The following KIAA1217 variants were observed in gnomAD, a reference collection of about 807,000 sequenced individuals.
The protein encoded by KIAA1217 is sickle tail protein homolog.
A neutral mutation model predicts 163.9 loss-of-function variants in KIAA1217; 88 were observed. The observed-to-expected ratio is 0.54, with a 90% confidence interval of 0.45 to 0.64. KIAA1217 has a LOEUF of 0.64. KIAA1217 is among the 30% of genes least tolerant of loss of function. The pLI is 0.00. For missense variants in KIAA1217, 2,372 were observed against 2,475.0 expected (o/e 0.96, Z 0.88); for synonymous variants, 903 against 923.1 (o/e 0.98, Z 0.39).
At chr10:23,836,762 C>CA (rs951278393) in intron 1 of KIAA1217, among the ~76,000 whole-genome samples, 3 of 150,882 alleles carry the variant, frequency 2.0e-5, no homozygotes, top group African/African-American at 7.3e-5. Flanking sequence ...CCCGTCTCCA[C>CA]AAAAAATAAA....
chr10:23,832,657 G>T (rs1838266430), intron 1 of KIAA1217, among the ~76,000 whole-genome samples: 1 of 152,076 alleles, frequency 6.6e-6, no homozygotes, highest in Non-Finnish European at 1.5e-5. Flanking sequence ...GATTACAAGG[G>T]TTTTAGGAGC....
intron 2 of KIAA1217, among the ~76,000 whole-genome samples, chr10:24,060,713 T>A (rs921243806): frequency 6.6e-6 from 1 of 152,162 alleles, no homozygotes; most frequent in Non-Finnish European, 1.5e-5. Context: ...GGAGGATTAT[T>A]TGAGCCCCAG....
At chr10:23,946,870 A>G (rs1300389367) in intron 1 of KIAA1217, among the ~76,000 whole-genome samples, 3 of 152,078 alleles carry the variant, frequency 2.0e-5, no homozygotes, top group African/African-American at 7.2e-5. Context: ...CCCAAATCTC[A>G]TCTTGAATTG....
intron 11 of KIAA1217, among the ~76,000 whole-genome samples, chr10:24,521,066 C>T (rs2071192343): frequency 7.6e-6 from 1 of 130,862 alleles, no homozygotes; most frequent in Non-Finnish European, 1.6e-5. Context: ...TTTTTTCTGG[C>T]CAGGCGTAGT....
chr10:24,125,363 T>A lies in KIAA1217; in HGVS notation c.-170-94263T>A, dbSNP rs184035179. 8.4e-3 allele frequency among the ~76,000 whole-genome samples: 1,238 copies of A among 147,412 alleles called. 16 individuals carry two copies. Among genetic ancestry groups the A allele is most frequent in the African/African-American group, 0.029 (1,190 of 40,390 alleles). On this transcript the variant is annotated intron_variant, in intron 2 of 18. Coordinates refer to the KIAA1217 transcript ENST00000376462. ...GTGTGTGTGTGTGTGTGTGTGTGTGTGAATAGGCTTTAACTATAAATTCAC... is the reference window on the plus strand; with the variant it reads ...GTGTGTGTGTGTGTGTGTGTGTGTGAGAATAGGCTTTAACTATAAATTCAC...
intron 1 of KIAA1217, among the ~76,000 whole-genome samples, chr10:23,918,807 C>T (rs1459354787): frequency 1.3e-5 from 2 of 151,916 alleles, no homozygotes; most frequent in South Asian, 2.1e-4. Context: ...TTTTCCTCCC[C>T]AGTAAATCAT....
At chr10:24,526,298 T>C (rs1592671395) in intron 13 of KIAA1217, among the ~76,000 whole-genome samples, 2 of 152,140 alleles carry the variant, frequency 1.3e-5, no homozygotes, top group East Asian at 3.9e-4. Flanking sequence ...GGGCCCTGGC[T>C]TGCCTCTAAT....
At chr10:24,162,480 GC>G in intron 2 of KIAA1217, among the ~76,000 whole-genome samples, 1 of 152,296 alleles carries the variant, frequency 6.6e-6, no homozygotes, top group Non-Finnish European at 1.5e-5. Context: ...GCTCAGGCAG[GC>G]CCTGGAGCAA....
At chr10:24,323,153 G>C (rs1362904848) in intron 2 of KIAA1217, among the ~76,000 whole-genome samples, 5 of 151,898 alleles carry the variant, frequency 3.3e-5, no homozygotes, top group African/African-American at 7.3e-5. Flanking sequence ...GATGAGTCTT[G>C]CTATGTTGCC....
In KIAA1217 at chr10:24,464,666, G is replaced by A. The variant is rs186667180; in HGVS notation, c.847-8562G>A. On this transcript the variant is annotated intron_variant, in intron 5 of 20. Transcript: ENST00000376454. ...ATGCCCAGCTAAGTTTTTACTTTTT[G>A]TATAGGCTGGGCCTCCCTATGTTGC... Among the ~76,000 whole-genome samples, 563 of 152,184 alleles carry A rather than the reference G, an allele frequency of 3.7e-3. 4 individuals carry two copies. Among genetic ancestry groups the A allele is most frequent in the Non-Finnish European group, 4.2e-3 (285 of 67,992 alleles).
At chr10:24,140,493 A>G (rs1564746646) in intron 2 of KIAA1217, among the ~76,000 whole-genome samples, 1 of 152,172 alleles carries the variant, frequency 6.6e-6, no homozygotes, top group Non-Finnish European at 1.5e-5. Flanking sequence ...GTACCTATAC[A>G]TGACAGTCGA....
At chr10:24,445,895 C>A (rs2060892304) in intron 5 of KIAA1217, among the ~76,000 whole-genome samples, 1 of 152,066 alleles carries the variant, frequency 6.6e-6, no homozygotes, top group African/African-American at 2.4e-5. Flanking sequence ...GGTATATACC[C>A]AGTAATGGGA....
chr10:24,267,292 A>T (rs1282271027), intron 2 of KIAA1217, among the ~76,000 whole-genome samples: 1 of 152,136 alleles, frequency 6.6e-6, no homozygotes, highest in Non-Finnish European at 1.5e-5. Context: ...TCTCTCAAGG[A>T]GTCTGTTGGC....
intron 1 of KIAA1217, among the ~76,000 whole-genome samples, chr10:23,813,154 C>T (rs899271567): frequency 1.1e-4 from 16 of 152,182 alleles, no homozygotes; most frequent in Middle Eastern, 3.4e-3. Context: ...GTGCTATCTC[C>T]TTGTGGTTTG....
At chr10:23,879,521 T>A (rs1477488504) in intron 1 of KIAA1217, among the ~76,000 whole-genome samples, 5 of 151,888 alleles carry the variant, frequency 3.3e-5, no homozygotes, top group African/African-American at 1.2e-4. Context: ...GTCAAACCAA[T>A]GAAGACTGAG....
intron 2 of KIAA1217, among the ~76,000 whole-genome samples, chr10:24,148,896 T>C (rs983012051): frequency 1.3e-5 from 2 of 152,208 alleles, no homozygotes; most frequent in African/African-American, 4.8e-5. Flanking sequence ...ACAATATTCA[T>C]TCCTGATCCT....
chr10:24,308,334 G>A (rs187984944), intron 2 of KIAA1217, among the ~76,000 whole-genome samples: 112 of 152,322 alleles, frequency 7.4e-4, no homozygotes, highest in African/African-American at 2.6e-3. Flanking sequence ...TAATATGCTG[G>A]CTAGACCGTC....
intron 2 of KIAA1217, among the ~76,000 whole-genome samples, chr10:24,376,214 T>A (rs2052468075): frequency 6.6e-6 from 1 of 152,256 alleles, no homozygotes; most frequent in African/African-American, 2.4e-5. Flanking sequence ...GCTACATATA[T>A]CTATGGAGCA....
intron 1 of KIAA1217, among the ~76,000 whole-genome samples, chr10:23,913,243 G>A (rs1842508852): frequency 6.6e-6 from 1 of 152,048 alleles, no homozygotes; most frequent in Non-Finnish European, 1.5e-5. Context: ...GCAGTTCTGG[G>A]GATTCTCTGG....
Sources: gnomAD v4.1 joint callset for allele counts (sites outside exome capture counted in the v4.1 genomes callset) on GRCh38, gnomAD v4.1.1 for gene constraint, MANE v1.5 for transcripts, NCBI Gene and HGNC (gene_info 2026-07-23, HGNC 2026-07-21) for gene names.